SORCS1: variants seen among roughly 807,000 people sequenced by gnomAD.
SORCS1 encodes the protein VPS10 domain-containing receptor SorCS1.
A neutral mutation model predicts 146.1 loss-of-function variants in SORCS1; 60 were observed. The ratio of observed to expected loss-of-function variants is 0.41; its 90% CI spans 0.33 to 0.51. The LOEUF (loss-of-function observed/expected upper bound fraction) is 0.51. Ranked by LOEUF, SORCS1 falls within the 20% of genes least tolerant of loss-of-function variation. The pLI is 0.21. For missense variants in SORCS1, 1,352 were observed against 1,487.6 expected (o/e 0.91, Z 1.50); for synonymous variants, 637 against 584.0 (o/e 1.09, Z -1.31).
At chr10:106,939,396 T>C (rs1008039123) in intron 2 of SORCS1, among the ~76,000 whole-genome samples, 8 of 144,746 alleles carry the variant, frequency 5.5e-5, no homozygotes, top group African/African-American at 2.1e-4. Flanking sequence ...TAGTTCACAC[T>C]GGTCTGACTC....
At chr10:107,177,435 G>T in the SORCS1 span, among the ~76,000 whole-genome samples, 1 of 152,068 alleles carries the variant, frequency 6.6e-6, no homozygotes, top group African/African-American at 2.4e-5. Flanking sequence ...TCACAATATG[G>T]AACATTCTCA....
intron 2 of SORCS1, among the ~76,000 whole-genome samples, chr10:106,950,839 T>C (rs950194429): frequency 3.9e-5 from 6 of 152,068 alleles, no homozygotes; most frequent in Non-Finnish European, 8.8e-5. Flanking sequence ...ATTAAGAGGA[T>C]GTAATAACAC....
At chr10:106,743,034 A>G (rs1054357711) in intron 5 of SORCS1, among the ~76,000 whole-genome samples, 1 of 152,212 alleles carries the variant, frequency 6.6e-6, no homozygotes, top group Non-Finnish European at 1.5e-5. Flanking sequence ...GTGATGACAA[A>G]AAAAGAAAAA....
chr10:106,939,856 C>T (rs747661529), intron 2 of SORCS1, among the ~76,000 whole-genome samples: 11 of 152,190 alleles, frequency 7.2e-5, no homozygotes, highest in South Asian at 2.1e-4. Context: ...CCTCATCCTA[C>T]GATATAATGC....
At chr10:106,986,975 T>C (rs1477526055) in intron 1 of SORCS1, among the ~76,000 whole-genome samples, 1 of 152,212 alleles carries the variant, frequency 6.6e-6, no homozygotes, top group Non-Finnish European at 1.5e-5. Context: ...TGGCTACTTT[T>C]TTCCTTGACA....
intron 5 of SORCS1, among the ~76,000 whole-genome samples, chr10:106,760,752 C>T (rs1859045112): frequency 6.6e-6 from 1 of 151,624 alleles, no homozygotes; most frequent in African/African-American, 2.4e-5. Flanking sequence ...TTTGGCAATT[C>T]ACAGAACATT....
At chr10:107,125,893 C>T (rs1324632900) in intron 1 of SORCS1, among the ~76,000 whole-genome samples, 1 of 152,170 alleles carries the variant, frequency 6.6e-6, no homozygotes, top group Non-Finnish European at 1.5e-5. Flanking sequence ...ATGGGAAATG[C>T]TTCAGGTCCC....
intron 1 of SORCS1, among the ~76,000 whole-genome samples, chr10:107,145,377 C>A (rs986452668): frequency 1.3e-5 from 2 of 152,192 alleles, no homozygotes; most frequent in African/African-American, 4.8e-5. Flanking sequence ...TCATCCCAGA[C>A]TGGCAGATTA....
intron 1 of SORCS1, among the ~76,000 whole-genome samples, chr10:106,992,226 T>C (rs1956797925): frequency 6.6e-6 from 1 of 152,184 alleles, no homozygotes; most frequent in Non-Finnish European, 1.5e-5. Flanking sequence ...AAGGAGCCCC[T>C]GACTTCCGTA....
At chr10:106,601,748 C>T (rs1230646806) in intron 23 of SORCS1, among the ~76,000 whole-genome samples, 3 of 152,162 alleles carry the variant, frequency 2.0e-5, no homozygotes, top group South Asian at 2.1e-4. Context: ...GCTGGTGGAG[C>T]GGCCATCACA....
intron 2 of SORCS1, among the ~76,000 whole-genome samples, chr10:106,887,611 A>G (rs7913195): frequency 0.49 from 73,709 of 151,812 alleles, 18,440 homozygotes; most frequent in African/African-American, 0.61. Flanking sequence ...TCCTAATAAA[A>G]AAGCATATAT....
At chr10:106,606,938 C>A (rs751172604) in intron 23 of SORCS1, among the ~76,000 whole-genome samples, 3 of 152,226 alleles carry the variant, frequency 2.0e-5, no homozygotes, top group African/African-American at 4.8e-5. Context: ...CCTAGCCATG[C>A]TGAACTGTAA....
chr10:106,799,405 C>T (rs1946753956), intron 3 of SORCS1, among the ~76,000 whole-genome samples: 1 of 152,176 alleles, frequency 6.6e-6, no homozygotes, highest in South Asian at 2.1e-4. Context: ...TAACGAGCTT[C>T]TGCACAGCCA....
intron 20 of SORCS1, 51 bp downstream of exon 20, chr10:106,620,377 C>A: frequency 6.4e-7 from 1 of 1,574,414 alleles, no homozygotes; most frequent in Non-Finnish European, 8.7e-7. Context: ...TTGCTTCAGG[C>A]AGCGTGAATT....
intron 1 of SORCS1, among the ~76,000 whole-genome samples, chr10:106,976,250 G>A (rs1352931948): frequency 1.3e-5 from 2 of 149,122 alleles, no homozygotes; most frequent in African/African-American, 4.9e-5. Flanking sequence ...GAATACATGT[G>A]CAGAACATGC....
At chr10:106,577,623 C>A in intron 25 of SORCS1, 68 bp from the exon 26 acceptor site, 1 of 1,596,258 alleles carries the variant, frequency 6.3e-7, no homozygotes, top group Non-Finnish European at 8.5e-7. Context: ...AGAGACTTTG[C>A]AATGTGCTGC....
At chr10:106,687,160 G>C (rs958480865) in intron 10 of SORCS1, among the ~76,000 whole-genome samples, 1 of 152,134 alleles carries the variant, frequency 6.6e-6, no homozygotes, top group African/African-American at 2.4e-5. Flanking sequence ...TTATCTGTGT[G>C]TCAAAATTGG....
intron 1 of SORCS1, among the ~76,000 whole-genome samples, chr10:106,996,914 T>C (rs1435242000): frequency 1.3e-5 from 2 of 152,196 alleles, no homozygotes; most frequent in African/African-American, 2.4e-5. Context: ...AGGAAATATG[T>C]CTAAAATCAC....
intron 1 of SORCS1, among the ~76,000 whole-genome samples, chr10:107,023,543 A>G (rs1218361180): frequency 6.6e-6 from 1 of 152,230 alleles, no homozygotes; most frequent in Non-Finnish European, 1.5e-5. Flanking sequence ...GAATTTTTAT[A>G]GTCTTAGAAA....
Sources: allele counts gnomAD v4.1 joint callset (sites outside exome capture counted in the v4.1 genomes callset), GRCh38; gene constraint gnomAD v4.1.1; transcripts MANE v1.5; gene names NCBI Gene and HGNC (gene_info 2026-07-23, HGNC 2026-07-21).